Variants in SPRED1 observed in about 807,000 individuals in gnomAD.
The protein encoded by SPRED1 is sprouty related EVH1 domain containing 1.
SPRED1 carries 18 observed loss-of-function variants against 52.3 expected under a neutral mutation model. That is an observed-to-expected ratio of 0.34 (90% confidence interval 0.24 to 0.51). The LOEUF (loss-of-function observed/expected upper bound fraction) is 0.51. SPRED1 is among the 20% of genes least tolerant of loss of function. The pLI is 0.97. For synonymous variants in SPRED1, 155 were observed against 179.7 expected (o/e 0.86, Z 1.10); for missense variants, 485 against 551.0 (o/e 0.88, Z 1.20).
chr15:38,285,492 G>C (rs762924762), intron 1 of SPRED1, among the ~76,000 whole-genome samples: 19 of 152,168 alleles, frequency 1.2e-4, no homozygotes, highest in Non-Finnish European at 2.6e-4. Context: ...ATCTGGGAAG[G>C]GGTTTAGGTG....
intron 4 of SPRED1, among the ~76,000 whole-genome samples, chr15:38,328,141 T>G (rs1895742160): frequency 6.6e-6 from 1 of 152,210 alleles, no homozygotes; most frequent in Admixed American, 6.5e-5. Context: ...AGATTATGGT[T>G]TAAGGTGGTG....
Position 38,351,642 on chromosome 15 carries a change from G to A in SPRED1, c.1313G>A (p.Gly438Glu). Residue 438 changes from glycine (G) to glutamate (E), a missense_variant, in exon 7 of 7, where the codon GGG becomes GAG. By Grantham distance (98) the Gly-to-Glu change is moderately conservative. Around this residue, in one of 5 missense-constraint regions of SPRED1, gnomAD observed 205 missense variants for 245.2 expected, o/e 0.84. Coordinates refer to ENST00000299084, the MANE Select transcript of SPRED1 (RefSeq NM_152594.3). ...GGTGAGGCATGTGGTTGCTGTGGTGGGAAACATAAAGCTGCTGGATGAAAT... is the reference window on the plus strand; with the variant it reads ...GGTGAGGCATGTGGTTGCTGTGGTGAGAAACATAAAGCTGCTGGATGAAAT... ...RCGEACGCCG[G>E]KHKAAG 1.2e-6 allele frequency: 2 copies of A among 1,613,370 alleles called. No homozygotes were observed. The highest frequency in any genetic ancestry group is 8.5e-7 in the Non-Finnish European group (1 of 1,179,976).
chr15:38,339,704 G>A, intron 4 of SPRED1, 33 bp from the exon 5 acceptor site: 2 of 1,608,976 alleles, frequency 1.2e-6, no homozygotes, highest in Non-Finnish European at 1.7e-6. Flanking sequence ...TTTTTATTCT[G>A]GCAACTAATG....
At chr15:38,289,718 C>T (rs574766248) in intron 1 of SPRED1, among the ~76,000 whole-genome samples, 3 of 152,228 alleles carry the variant, frequency 2.0e-5, no homozygotes, top group Non-Finnish European at 2.9e-5. Flanking sequence ...AGGAGGGAGC[C>T]ATGAGCCAAG....
intron 1 of SPRED1, among the ~76,000 whole-genome samples, chr15:38,297,666 A>G (rs1320380507): frequency 7.9e-6 from 1 of 126,508 alleles, no homozygotes; most frequent in Non-Finnish European, 1.7e-5. Context: ...ATGGTTGAAC[A>G]TGAAAATTCA....
intron 1 of SPRED1, among the ~76,000 whole-genome samples, chr15:38,280,358 A>G (rs1029068765): frequency 3.3e-5 from 5 of 152,174 alleles, no homozygotes; most frequent in South Asian, 2.1e-4. Context: ...TTCTCATGAT[A>G]GCCAGAAGGG....
chr15:38,254,507 T>G (rs1894050702), intron 1 of SPRED1, among the ~76,000 whole-genome samples: 1 of 152,036 alleles, frequency 6.6e-6, no homozygotes, highest in African/African-American at 2.4e-5. Flanking sequence ...CACTCTTCAT[T>G]CATAAAAAAA....
intron 1 of SPRED1, among the ~76,000 whole-genome samples, chr15:38,270,639 C>CT (rs575795763): frequency 1.1e-3 from 162 of 152,258 alleles, no homozygotes; most frequent in African/African-American, 3.6e-3. Flanking sequence ...TCTGAGAACT[C>CT]TATCACAAGA....
At chr15:38,289,999 T>C (rs780255489) in intron 1 of SPRED1, among the ~76,000 whole-genome samples, 4 of 152,234 alleles carry the variant, frequency 2.6e-5, no homozygotes, top group Non-Finnish European at 5.9e-5. Context: ...TCATGGTGTT[T>C]TTACCATGCA....
intron 1 of SPRED1, among the ~76,000 whole-genome samples, chr15:38,294,082 T>C (rs1894982082): frequency 6.6e-6 from 1 of 152,210 alleles, no homozygotes; most frequent in Non-Finnish European, 1.5e-5. Context: ...TCTGAATGTC[T>C]GCATTCTACA....
intron 4 of SPRED1, among the ~76,000 whole-genome samples, chr15:38,334,223 C>G (rs748788682): frequency 2.3e-4 from 35 of 151,606 alleles, no homozygotes; most frequent in Non-Finnish European, 4.9e-4. Flanking sequence ...AAATATTGTT[C>G]AGGGATATTT....
At chr15:38,317,465 T>C (rs142972330) in intron 2 of SPRED1, among the ~76,000 whole-genome samples, 6 of 152,072 alleles carry the variant, frequency 3.9e-5, no homozygotes, top group African/African-American at 1.2e-4. Context: ...TAATCTCTTG[T>C]CAAAGATGTA....
intron 4 of SPRED1, among the ~76,000 whole-genome samples, chr15:38,338,398 G>T (rs757873984): frequency 6.7e-6 from 1 of 148,876 alleles, no homozygotes; most frequent in South Asian, 2.1e-4. Flanking sequence ...AAATAAATAC[G>T]TTTCCTGAAG....
chr15:38,291,296 G>C (rs1194019095), intron 1 of SPRED1, among the ~76,000 whole-genome samples: 21 of 152,194 alleles, frequency 1.4e-4, no homozygotes. Context: ...ATGTGGTTTT[G>C]TAGGGTACAG....
chr15:38,339,912 T>A lies in SPRED1; in HGVS notation c.582+17T>A, dbSNP rs200904257. 1.4e-4 allele frequency: 233 copies of A among 1,613,454 alleles called. No individual in the cohort carries two copies. The highest frequency in any genetic ancestry group is 1.9e-4 in the Non-Finnish European group (221 of 1,179,778). ...GCCAATCAGGTAAGAAGATAAAATA[T>A]TTTTTCGGCGCGTTGTTTATATGTG... On this transcript the variant is annotated intron_variant, in intron 5 of 6. Coordinates refer to ENST00000299084, the MANE Select transcript of SPRED1 (RefSeq NM_152594.3).
intron 1 of SPRED1, among the ~76,000 whole-genome samples, chr15:38,263,223 T>C (rs1237590576): frequency 6.6e-6 from 1 of 152,154 alleles, no homozygotes; most frequent in Non-Finnish European, 1.5e-5. Flanking sequence ...TAAATGAAGG[T>C]GGGAATAGAG....
intron 4 of SPRED1, among the ~76,000 whole-genome samples, chr15:38,325,036 C>T (rs565245253): frequency 1.3e-5 from 2 of 152,274 alleles, no homozygotes; most frequent in East Asian, 3.9e-4. Flanking sequence ...CAAGGTCTTG[C>T]TATGTTGCTC....
chr15:38,301,779 G>C (rs1342169247), intron 2 of SPRED1, among the ~76,000 whole-genome samples: 1 of 152,134 alleles, frequency 6.6e-6, no homozygotes, highest in African/African-American at 2.4e-5. Flanking sequence ...ACTGCATTTT[G>C]AGATCACTAA....
At chr15:38,329,470 T>A (rs911091299) in intron 4 of SPRED1, among the ~76,000 whole-genome samples, 1 of 152,154 alleles carries the variant, frequency 6.6e-6, no homozygotes, top group African/African-American at 2.4e-5. Flanking sequence ...AGTTAGTGGA[T>A]TGGCTTTATT....
Sources: gnomAD v4.1 joint callset for allele counts (sites outside exome capture counted in the v4.1 genomes callset) on GRCh38, gnomAD v4.1.1 for gene constraint, gnomAD v4.1.1 regional missense constraint, MANE v1.5 for transcripts, NCBI Gene and HGNC (gene_info 2026-07-23, HGNC 2026-07-21) for gene names.